The following LRCH1 variants were observed in gnomAD, a reference collection of about 807,000 sequenced individuals.
LRCH1 encodes leucine-rich repeat and calponin homology domain-containing protein 1.
Under a neutral mutation model 94.9 loss-of-function variants are expected in LRCH1, and 23 were observed. The ratio of observed to expected loss-of-function variants is 0.24; its 90% CI spans 0.17 to 0.34. The LOEUF (loss-of-function observed/expected upper bound fraction) is 0.34, where lower values mean the gene tolerates loss of function less well. LRCH1 is among the 10% of genes least tolerant of loss of function. LRCH1 has a pLI of 1.00. For synonymous variants in LRCH1, 364 were observed against 354.9 expected (o/e 1.03, Z -0.29); for missense variants, 790 against 945.9 (o/e 0.84, Z 2.16).
chr13:46,687,755 A>T, intron 5 of LRCH1, 97 bp from the exon 6 acceptor site: 1 of 1,019,048 alleles, frequency 9.8e-7, no homozygotes, highest in East Asian at 2.7e-5. Flanking sequence ...ACTTAAAATG[A>T]AACTGGGAAA....
intron 1 of LRCH1, among the ~76,000 whole-genome samples, chr13:46,584,759 A>G (rs2050411748): frequency 6.6e-6 from 1 of 152,218 alleles, no homozygotes; most frequent in Admixed American, 6.5e-5. Flanking sequence ...TAATTTTAAC[A>G]TGGCCATTTC....
chr13:46,665,130 G>A (rs932374735), intron 2 of LRCH1, among the ~76,000 whole-genome samples: 2 of 152,112 alleles, frequency 1.3e-5, no homozygotes, highest in African/African-American at 4.8e-5. Context: ...AAATACAGAG[G>A]TATATTCCAG....
chr13:46,696,241 A>G (rs1871181404), intron 9 of LRCH1, among the ~76,000 whole-genome samples: 1 of 151,210 alleles, frequency 6.6e-6, no homozygotes, highest in South Asian at 2.1e-4. Context: ...CACTCTTTAT[A>G]TTCTGCCACC....
intron 1 of LRCH1, among the ~76,000 whole-genome samples, chr13:46,581,995 C>A (rs2050371703): frequency 6.6e-6 from 1 of 151,870 alleles, no homozygotes; most frequent in African/African-American, 2.4e-5. Flanking sequence ...ACTAAAAATT[C>A]AAAAATTAGC....
Position 46,699,328 on chromosome 13 carries a change from G to T in LRCH1, c.1246-8G>T. 1 of 1,612,102 alleles carries T rather than the reference G, an allele frequency of 6.2e-7. No homozygotes were observed. Among genetic ancestry groups the T allele is most frequent in the Non-Finnish European group, 8.5e-7 (1 of 1,178,208 alleles). ...GGTTTTCAGGAACCCTGTGTGTTTT[G>T]TCCACAGGCAAGGGCAGAAGACTGT... On this transcript the variant is annotated splice_polypyrimidine_tract_variant and splice_region_variant and intron_variant, in intron 9 of 19. Coordinates refer to ENST00000389797, the MANE Select transcript of LRCH1 (RefSeq NM_001164211.2).
chr13:46,591,722 C>G (rs1175007204), intron 1 of LRCH1, among the ~76,000 whole-genome samples: 1 of 152,184 alleles, frequency 6.6e-6, no homozygotes, highest in Non-Finnish European at 1.5e-5. Flanking sequence ...GATACTAACC[C>G]CTGTTGACAG....
Position 46,699,779 on chromosome 13 carries a change from C to T in LRCH1, c.1313+376C>T, listed in dbSNP as rs572397159. On this transcript the variant is annotated intron_variant, in intron 10 of 19. Coordinates refer to ENST00000389797, the MANE Select transcript of LRCH1 (RefSeq NM_001164211.2). ...CTTCTTTACCCCAAGTCATCCCCTT[C>T]AAGATCTGAGAACACCGTAGACTTC... Among the ~76,000 whole-genome samples the T allele has an allele frequency of 1.8e-4, 27 of 152,340 alleles. No individual in the cohort carries two copies. In the South Asian group the frequency reaches 4.6e-3, roughly 26 times the overall value.
At chr13:46,649,562 C>A (rs181227787) in intron 1 of LRCH1, among the ~76,000 whole-genome samples, 2 of 152,098 alleles carry the variant, frequency 1.3e-5, no homozygotes, top group Non-Finnish European at 2.9e-5. Context: ...TTAACAGATA[C>A]AATTTATCTC....
At chr13:46,710,555 C>T (rs1872008535) in intron 13 of LRCH1, among the ~76,000 whole-genome samples, 1 of 152,124 alleles carries the variant, frequency 6.6e-6, no homozygotes, top group Non-Finnish European at 1.5e-5. Context: ...GACGATAGGA[C>T]AAACTAGAGG....
chr13:46,731,151 A>C (rs1445873327), intron 18 of LRCH1, among the ~76,000 whole-genome samples: 1 of 128,360 alleles, frequency 7.8e-6, no homozygotes, highest in South Asian at 2.4e-4. Flanking sequence ...TGGTAAAATT[A>C]AGTTGTTTTT....
At chr13:46,699,500 C>T in intron 10 of LRCH1, 97 bp downstream of exon 10, 3 of 1,033,340 alleles carry the variant, frequency 2.9e-6, no homozygotes, top group Non-Finnish European at 4.6e-6. Context: ...ACCTGCTTTT[C>T]TGTGGGCAAG....
intron 1 of LRCH1, among the ~76,000 whole-genome samples, chr13:46,631,660 C>G (rs1271666215): frequency 6.6e-6 from 1 of 151,708 alleles, no homozygotes; most frequent in East Asian, 1.9e-4. Flanking sequence ...TATAGGGAGT[C>G]ATGTTTGGAT....
At chr13:46,751,135 A>C (rs1382945203) in exon 19 of LRCH1, 1 of 152,172 alleles carries the variant, frequency 6.6e-6, no homozygotes, top group East Asian at 1.9e-4. Flanking sequence ...ATATTTATAT[A>C]AATATTATTT....
chr13:46,670,748 G>A (rs752299049), intron 3 of LRCH1, among the ~76,000 whole-genome samples: 2 of 151,574 alleles, frequency 1.3e-5, no homozygotes, highest in Non-Finnish European at 2.9e-5. Context: ...GGTTGTGAGA[G>A]GTTTGGAAAA....
intron 19 of LRCH1, among the ~76,000 whole-genome samples, chr13:46,736,597 T>C (rs1009875385): frequency 9.9e-5 from 15 of 152,210 alleles, no homozygotes; most frequent in Admixed American, 5.2e-4. Context: ...AAAGACATTT[T>C]TAAAGACCTA....
At chr13:46,670,934 T>A (rs753738961) in intron 3 of LRCH1, among the ~76,000 whole-genome samples, 1 of 152,188 alleles carries the variant, frequency 6.6e-6, no homozygotes, top group Non-Finnish European at 1.5e-5. Flanking sequence ...TGCTGAAGTC[T>A]AGGTAGATAG....
At position 46,681,797 on chromosome 13, in the gene LRCH1, T is replaced by A; in HGVS notation, c.636T>A (p.Ser212=). 6.2e-7 allele frequency: 1 copy of A among 1,613,880 alleles called. No individual in the cohort carries two copies. Among genetic ancestry groups the A allele is most frequent in the Non-Finnish European group, 8.5e-7 (1 of 1,179,784 alleles). ...ALPQQIGQLK[S]LRELNVRRNY... ...CCCAGCAGATAGGTCAGTTGAAATC[T>A]CTACGAGAACTGAATGTCAGAAGAA... The change falls in exon 4 of 20, where the codon TCT becomes TCA. Residue 212 remains serine, a synonymous_variant. Transcript: ENST00000389797.
At chr13:46,646,823 A>G (rs969276529) in intron 1 of LRCH1, among the ~76,000 whole-genome samples, 1 of 152,010 alleles carries the variant, frequency 6.6e-6, no homozygotes, top group Non-Finnish European at 1.5e-5. Context: ...GCTATTTGAA[A>G]CCATACTGAC....
intron 2 of LRCH1, among the ~76,000 whole-genome samples, chr13:46,651,840 A>G (rs1342903141): frequency 1.4e-5 from 2 of 140,206 alleles, no homozygotes; most frequent in African/African-American, 2.7e-5. Context: ...AGCTGGGACT[A>G]CAGGCGCCGG....
Sources: gnomAD v4.1 joint callset for allele counts (sites outside exome capture counted in the v4.1 genomes callset) on GRCh38, gnomAD v4.1.1 for gene constraint, MANE v1.5 for transcripts, NCBI Gene and HGNC (gene_info 2026-07-23, HGNC 2026-07-21) for gene names.